The following NEK7 variants were observed in gnomAD, a reference collection of about 807,000 sequenced individuals.
NEK7 encodes serine/threonine-protein kinase Nek7.
NEK7 carries 18 observed loss-of-function variants against 44.6 expected under a neutral mutation model. The ratio of observed to expected loss-of-function variants is 0.40; its 90% CI spans 0.28 to 0.60. The LOEUF (loss-of-function observed/expected upper bound fraction) is 0.60, where lower values mean the gene tolerates loss of function less well. NEK7 is among the 20% of genes least tolerant of loss of function. The pLI is 0.38. For missense variants in NEK7, 256 were observed against 366.5 expected, an observed-to-expected ratio of 0.70 and a Z score of 2.46; for synonymous variants, 130 against 121.1, an observed-to-expected ratio of 1.07 and a Z score of -0.48.
chr1:198,283,286 C>A (rs1317044296), intron 7 of NEK7, among the ~76,000 whole-genome samples: 1 of 152,110 alleles, frequency 6.6e-6, no homozygotes, highest in Non-Finnish European at 1.5e-5. Context: ...TTGGGCTAAG[C>A]ATGCCCAGGG....
intron 1 of NEK7, among the ~76,000 whole-genome samples, chr1:198,182,503 G>A (rs1227210664): frequency 6.6e-6 from 1 of 152,056 alleles, no homozygotes; most frequent in South Asian, 2.1e-4. Context: ...CACAACCTGG[G>A]GTTGGTTTTC....
At chr1:198,159,066 C>T (rs926685857) in intron 1 of NEK7, among the ~76,000 whole-genome samples, 8 of 152,254 alleles carry the variant, frequency 5.3e-5, no homozygotes, top group Admixed American at 5.2e-4. Context: ...GGAAGGAGCC[C>T]GGGAGCCCGG....
chr1:198,167,746 T>A (rs530361469), intron 1 of NEK7, among the ~76,000 whole-genome samples: 16 of 152,186 alleles, frequency 1.1e-4, no homozygotes, highest in African/African-American at 7.2e-5. Context: ...TAGTTCTCTA[T>A]CTTGTTTCAC....
At chr1:198,173,296 G>GT (rs1664506165) in intron 1 of NEK7, among the ~76,000 whole-genome samples, 1 of 152,070 alleles carries the variant, frequency 6.6e-6, no homozygotes, top group Non-Finnish European at 1.5e-5. Flanking sequence ...AGGTGTCATG[G>GT]TATGTGCCTG....
At chr1:198,157,565 C>CACGGCG (rs2102685862) in intron 1 of NEK7, among the ~76,000 whole-genome samples, 1 of 152,334 alleles carries the variant, frequency 6.6e-6, no homozygotes, top group East Asian at 1.9e-4. Context: ...ACTCCGTGGC[C>CACGGCG]ACGGCGGCGG....
In NEK7 at chr1:198,244,502, G is replaced by A. The variant is rs532083074; in HGVS notation, c.58-8538G>A. ...AATATGAACCCGTGGCAAACAGAAG[G>A]AATTTTATTTTCAAATGAAAAGTAT... On this transcript the variant is annotated intron_variant, in intron 2 of 9. Coordinates refer to ENST00000367385, the MANE Select transcript of NEK7 (RefSeq NM_133494.3). Among the ~76,000 whole-genome samples, 3 of 152,186 alleles carry A rather than the reference G, an allele frequency of 2.0e-5. No homozygotes were observed. The South Asian group carries it at 6.2e-4, about 32-fold the overall frequency.
At position 198,321,998 on chromosome 1, in the gene NEK7, G is replaced by GATA. The variant is rs1655546900; in HGVS notation, c.*2476_*2477insATA. 2 of 152,068 alleles carry GATA rather than the reference G, an allele frequency of 1.3e-5. No individual in the cohort carries two copies. The highest frequency in any genetic ancestry group is 2.9e-5 in the Non-Finnish European group (2 of 67,972). The allele number at this position is 152,068 out of a possible 1,614,324, so 9.4% of individuals were successfully genotyped here. On this transcript the variant is annotated 3_prime_UTR_variant, in exon 10 of 10. Coordinates refer to ENST00000367385, the MANE Select transcript of NEK7 (RefSeq NM_133494.3). The stretch of plus-strand genomic sequence containing the variant: ...GTAAGGTTTAGGAATGGTGGATGAA[G>GATA]GGTATCTCTATATAAATAAAGTGCT...
chr1:198,243,198 C>T (rs1384954261), intron 2 of NEK7, among the ~76,000 whole-genome samples: 1 of 152,138 alleles, frequency 6.6e-6, no homozygotes, highest in Non-Finnish European at 1.5e-5. Flanking sequence ...ATTAACCAAC[C>T]TAAAATAACT....
At chr1:198,208,217 T>G (rs1665654632) in intron 1 of NEK7, among the ~76,000 whole-genome samples, 1 of 152,342 alleles carries the variant, frequency 6.6e-6, no homozygotes, top group Non-Finnish European at 1.5e-5. Flanking sequence ...TTTTTCATGA[T>G]GTATTGGATA....
At chr1:198,237,093 G>A (rs561595718) in intron 2 of NEK7, among the ~76,000 whole-genome samples, 1 of 152,206 alleles carries the variant, frequency 6.6e-6, no homozygotes, top group Non-Finnish European at 1.5e-5. Flanking sequence ...TGATTATGCT[G>A]TCTTCTTTGA....
At chr1:198,254,714 G>T (rs1653191192) in intron 3 of NEK7, among the ~76,000 whole-genome samples, 1 of 152,064 alleles carries the variant, frequency 6.6e-6, no homozygotes, top group African/African-American at 2.4e-5. Context: ...ATCCCACAGG[G>T]GATGCATGTG....
chr1:198,223,433 T>C (rs1666125372), intron 1 of NEK7, among the ~76,000 whole-genome samples: 1 of 152,234 alleles, frequency 6.6e-6, no homozygotes, highest in Non-Finnish European at 1.5e-5. Context: ...GTATTATTCT[T>C]ATCAAATGTC....
chr1:198,282,179 A>T (rs1321704474), intron 7 of NEK7, among the ~76,000 whole-genome samples: 1 of 151,804 alleles, frequency 6.6e-6, no homozygotes, highest in Non-Finnish European at 1.5e-5. Context: ...AAGAGATTAC[A>T]CTCTTTTGTT....
At chr1:198,271,956 C>T (rs1310957251) in intron 5 of NEK7, among the ~76,000 whole-genome samples, 3 of 144,704 alleles carry the variant, frequency 2.1e-5, no homozygotes, top group African/African-American at 5.0e-5. Context: ...GATACATTTA[C>T]TTAGGTACCT....
intron 7 of NEK7, among the ~76,000 whole-genome samples, chr1:198,282,178 C>A (rs973630262): frequency 2.6e-5 from 4 of 152,052 alleles, no homozygotes; most frequent in African/African-American, 9.7e-5. Context: ...TAAGAGATTA[C>A]ACTCTTTTGT....
intron 1 of NEK7, among the ~76,000 whole-genome samples, chr1:198,196,702 G>C (rs926380612): frequency 6.6e-6 from 1 of 152,218 alleles, no homozygotes; most frequent in African/African-American, 2.4e-5. Context: ...GGAGAAAGGA[G>C]GGAAGGGCAA....
rs1042164737 is a variant in NEK7 at position 198,306,020 on chromosome 1, C to CT, written c.798+8781dup. On this transcript the variant is annotated intron_variant, in intron 9 of 9. Transcript: ENST00000367385. Reference sequence around the variant, plus strand: ...TAAAAGCTTGGGCGCTGGAGCTAGACTGCTTCGGTTCAAATCCAGGCTTTG... The same window carrying CT: ...TAAAAGCTTGGGCGCTGGAGCTAGACTTGCTTCGGTTCAAATCCAGGCTTTG... Among the ~76,000 whole-genome samples the CT allele has an allele frequency of 3.3e-5, 5 of 152,270 alleles. No individual in the cohort carries two copies. The East Asian group carries it at 9.6e-4, about 29-fold the overall frequency.
intron 3 of NEK7, among the ~76,000 whole-genome samples, chr1:198,258,331 TG>T (rs1653344319): frequency 6.6e-6 from 1 of 152,046 alleles, no homozygotes; most frequent in South Asian, 2.1e-4. Flanking sequence ...CCCAGCTACC[TG>T]GGAGGCTGAG....
chr1:198,233,720 T>C (rs1666465848), intron 2 of NEK7, among the ~76,000 whole-genome samples: 2 of 151,612 alleles, frequency 1.3e-5, no homozygotes, highest in African/African-American at 4.9e-5. Context: ...TGTAGTGTTT[T>C]CCAAACTTAT....
Sources: gnomAD v4.1 joint callset for allele counts (sites outside exome capture counted in the v4.1 genomes callset) on GRCh38, gnomAD v4.1.1 for gene constraint, MANE v1.5 for transcripts, NCBI Gene and HGNC (gene_info 2026-07-23, HGNC 2026-07-21) for gene names.